TRHDE: variants seen among roughly 807,000 people sequenced by gnomAD.
TRHDE encodes thyrotropin releasing hormone degrading enzyme.
TRHDE carries 72 observed loss-of-function variants against 125.7 expected under a neutral mutation model. That is an observed-to-expected ratio of 0.57 (90% CI 0.47 to 0.70). The LOEUF is 0.70. Ranked by LOEUF, TRHDE falls within the 30% of genes least tolerant of loss-of-function variation. The pLI, the probability that TRHDE is intolerant of heterozygous loss-of-function variation, is 0.00. For synonymous variants in TRHDE, 509 were observed against 509.1 expected (o/e 1.00, Z 0.00); for missense variants, 1,110 against 1,327.1 (o/e 0.84, Z 2.54).
At chr12:72,547,318 C>A (rs1318486210) in intron 7 of TRHDE, among the ~76,000 whole-genome samples, 1 of 151,644 alleles carries the variant, frequency 6.6e-6, no homozygotes, top group Non-Finnish European at 1.5e-5. Context: ...ATAAGGAAAT[C>A]AAATCAACAA....
At chr12:72,387,140 G>C (rs1005112089) in intron 3 of TRHDE, among the ~76,000 whole-genome samples, 1 of 152,122 alleles carries the variant, frequency 6.6e-6, no homozygotes, top group Non-Finnish European at 1.5e-5. Flanking sequence ...ATGTTTTACT[G>C]ATATCTGTGC....
At chr12:72,404,648 A>C (rs1214978520) in intron 3 of TRHDE, among the ~76,000 whole-genome samples, 2 of 152,164 alleles carry the variant, frequency 1.3e-5, no homozygotes, top group African/African-American at 4.8e-5. Context: ...AAACCATCAG[A>C]TCTCACGAAA....
At chr12:72,527,511 G>T (rs539007895) in intron 6 of TRHDE, among the ~76,000 whole-genome samples, 1 of 151,660 alleles carries the variant, frequency 6.6e-6, no homozygotes, top group African/African-American at 2.4e-5. Flanking sequence ...GCCATCAGAG[G>T]CAGGGGACCA....
chr12:72,185,364 C>T (rs893543808), intron 2 of TRHDE, among the ~76,000 whole-genome samples: 3 of 152,242 alleles, frequency 2.0e-5, no homozygotes, highest in Admixed American at 1.3e-4. Flanking sequence ...CTAGCCTCCC[C>T]GACGAGCACC....
intron 2 of TRHDE, among the ~76,000 whole-genome samples, chr12:72,243,826 C>T (rs1878526264): frequency 6.6e-6 from 1 of 152,074 alleles, no homozygotes; most frequent in East Asian, 1.9e-4. Flanking sequence ...TTCTCTTTTC[C>T]AAGCACTAAG....
At chr12:72,161,398 A>G (rs1350262043) in intron 2 of TRHDE, among the ~76,000 whole-genome samples, 1 of 148,350 alleles carries the variant, frequency 6.7e-6, no homozygotes, top group Non-Finnish European at 1.5e-5. Flanking sequence ...TCGCCACTGC[A>G]CTCCAGCCTG....
chr12:72,210,333 G>C (rs1877755182), intron 2 of TRHDE, among the ~76,000 whole-genome samples: 1 of 152,054 alleles, frequency 6.6e-6, no homozygotes, highest in Non-Finnish European at 1.5e-5. Context: ...TTCTGATGAT[G>C]ATCGCCATTG....
rs373543708 is a variant in TRHDE at position 72,306,253 on chromosome 12, AC to A, written c.1188+19300del. Among the ~76,000 whole-genome samples the A allele has an allele frequency of 6.6e-3, 1,011 of 152,314 alleles. 16 individuals are homozygous for A. The highest frequency in any genetic ancestry group is 0.023 in the African/African-American group (955 of 41,568). ...TTCTATATTTGTGTATTCACTGAAA[AC>A]AAACTAAAAGACAGTGTTCATTGAT... On this transcript the variant is annotated intron_variant, in intron 2 of 18. Transcript: ENST00000261180.
chr12:72,499,636 G>T lies in TRHDE; in HGVS notation c.1722+1G>T, dbSNP rs1217633859. 6.2e-7 allele frequency: 1 copy of T among 1,612,826 alleles called. No homozygotes were observed. The highest frequency in any genetic ancestry group is 2.2e-5 in the East Asian group (1 of 44,804). Reference sequence around the variant, plus strand: ...GTTTGACTGGATCGCATATAAAAAGGTGGGAATAAAGAACAAAGTGCCAAT... The same window carrying T: ...GTTTGACTGGATCGCATATAAAAAGTTGGGAATAAAGAACAAAGTGCCAAT... On this transcript the variant is annotated splice_donor_variant, in intron 6 of 18. Transcript: ENST00000261180. LOFTEE classifies it high-confidence loss of function.
intron 3 of TRHDE, among the ~76,000 whole-genome samples, chr12:72,435,846 T>C (rs926548077): frequency 1.3e-5 from 2 of 152,010 alleles, no homozygotes; most frequent in African/African-American, 4.8e-5. Context: ...TGAAAACCAG[T>C]TCCCAAGGAC....
At chr12:72,486,494 A>G (rs1287640868) in intron 5 of TRHDE, among the ~76,000 whole-genome samples, 1 of 152,182 alleles carries the variant, frequency 6.6e-6, no homozygotes, top group Non-Finnish European at 1.5e-5. Flanking sequence ...TGCAGCCACC[A>G]TCACTTCCAC....
At chr12:72,484,214 A>G (rs1173721280) in intron 5 of TRHDE, among the ~76,000 whole-genome samples, 2 of 152,160 alleles carry the variant, frequency 1.3e-5, no homozygotes, top group Admixed American at 1.3e-4. Flanking sequence ...CTTATGACTA[A>G]TGTGCAAAAT....
At chr12:72,588,240 G>C (rs1871524890) in intron 12 of TRHDE, among the ~76,000 whole-genome samples, 1 of 152,110 alleles carries the variant, frequency 6.6e-6, no homozygotes, top group Admixed American at 6.5e-5. Context: ...TAATAGCTTT[G>C]TACATTTGGA....
At chr12:72,614,171 A>G (rs1318189118) in intron 12 of TRHDE, among the ~76,000 whole-genome samples, 1 of 151,926 alleles carries the variant, frequency 6.6e-6, no homozygotes, top group Non-Finnish European at 1.5e-5. Context: ...CACCTCCAGC[A>G]TTGGGAATTG....
At chr12:72,167,517 C>G (rs1461582460) in intron 2 of TRHDE, 1 of 152,064 alleles carries the variant, frequency 6.6e-6, no homozygotes, top group Non-Finnish European at 1.5e-5. Flanking sequence ...CTTTTTCTGA[C>G]CAAATAATGA....
chr12:72,100,799 T>A (rs1875049205), intron 1 of TRHDE, among the ~76,000 whole-genome samples: 1 of 152,188 alleles, frequency 6.6e-6, no homozygotes, highest in Non-Finnish European at 1.5e-5. Context: ...TATTAAATCA[T>A]TAGCTGGGTC....
chr12:72,197,524 A>T (rs1877469015), intron 2 of TRHDE, among the ~76,000 whole-genome samples: 1 of 152,122 alleles, frequency 6.6e-6, no homozygotes, highest in African/African-American at 2.4e-5. Flanking sequence ...GAGCAGATGT[A>T]ACTCTTTTGC....
rs540922445 is a variant in TRHDE, at chr12:72,606,505, TAACTC to T, written c.2322-12384_2322-12380del. Among the ~76,000 whole-genome samples, 52 of 152,288 alleles carry T rather than the reference TAACTC, an allele frequency of 3.4e-4. 1 individual carries two copies. The highest frequency in any genetic ancestry group is 3.1e-3 in the Admixed American group (47 of 15,288). Reference sequence around the variant, plus strand: ...AAATACTCTTCCATTTCTTGTCTTTTAACTCACGATGACGCTGGAAAGGAAATACT... The same window carrying T: ...AAATACTCTTCCATTTCTTGTCTTTTACGATGACGCTGGAAAGGAAATACT... On this transcript the variant is annotated intron_variant, in intron 12 of 18. Coordinates refer to ENST00000261180, the MANE Select transcript of TRHDE (RefSeq NM_013381.3).
At chr12:72,586,561 C>T (rs1236011677) in intron 12 of TRHDE, among the ~76,000 whole-genome samples, 2 of 152,096 alleles carry the variant, frequency 1.3e-5, no homozygotes, top group Non-Finnish European at 2.9e-5. Context: ...TACAGGCCAA[C>T]ACAGAAGCTA....
Sources: allele counts gnomAD v4.1 joint callset (sites outside exome capture counted in the v4.1 genomes callset), GRCh38; gene constraint gnomAD v4.1.1; transcripts MANE v1.5; gene names NCBI Gene and HGNC (gene_info 2026-07-23, HGNC 2026-07-21).